Variants in GCC2 observed in about 807,000 individuals in gnomAD.
GCC2 encodes GRIP and coiled-coil domain-containing protein 2.
A neutral mutation model predicts 210.6 loss-of-function variants in GCC2; 120 were observed. The ratio of observed to expected loss-of-function variants is 0.57; its 90% CI spans 0.49 to 0.66. The LOEUF (loss-of-function observed/expected upper bound fraction) is 0.66, where lower values mean the gene tolerates loss of function less well. Among genes scored for constraint, GCC2 ranks in the 30% least tolerant of loss-of-function variants. The pLI is 0.00. For synonymous variants in GCC2, 703 were observed against 652.7 expected, an observed-to-expected ratio of 1.08 and a Z score of -1.17; for missense variants, 1,868 against 1,871.9, an observed-to-expected ratio of 1.00 and a Z score of 0.04.
intron 21 of GCC2, among the ~76,000 whole-genome samples, chr2:108,498,802 C>T (rs922200212): frequency 3.3e-5 from 5 of 151,690 alleles, no homozygotes; most frequent in African/African-American, 9.7e-5. Context: ...TCACTGTGGA[C>T]GTCTTAACTG....
chr2:108,494,132 G>C, intron 19 of GCC2: 1 of 396,890 alleles, frequency 2.5e-6, no homozygotes, highest in Non-Finnish European at 3.4e-6. Flanking sequence ...TCAGCACTTT[G>C]GGAGCCAAGG....
chr2:108,467,957 C>T (rs1680990462), intron 4 of GCC2, among the ~76,000 whole-genome samples: 2 of 151,822 alleles, frequency 1.3e-5, no homozygotes, highest in Non-Finnish European at 2.9e-5. Flanking sequence ...TATTATGCTT[C>T]TTAAATTTTT....
intron 18 of GCC2, among the ~76,000 whole-genome samples, chr2:108,491,226 A>G (rs1213083648): frequency 6.6e-6 from 1 of 152,226 alleles, no homozygotes; most frequent in Non-Finnish European, 1.5e-5. Flanking sequence ...AACTTCCATC[A>G]GCACAATCAT....
intron 19 of GCC2, chr2:108,493,842 A>G (rs1682520327): frequency 1.0e-6 from 1 of 985,344 alleles, no homozygotes; most frequent in Admixed American, 6.1e-5. Flanking sequence ...TAATCTAGCA[A>G]TCAGCAGTGG....
At chr2:108,455,362 C>T (rs1680200026) in intron 4 of GCC2, among the ~76,000 whole-genome samples, 1 of 152,012 alleles carries the variant, frequency 6.6e-6, no homozygotes, top group Non-Finnish European at 1.5e-5. Flanking sequence ...TCGCTTGAAC[C>T]GAGGAGGCAG....
chr2:108,469,643 T>G lies in GCC2; in HGVS notation c.322-8T>G. ...AAATAATTTATGTGTGCTTATTTTT[T>G]GTAATAGGATTCTGTAACAAAGATG... On this transcript the variant is annotated splice_region_variant and splice_polypyrimidine_tract_variant and intron_variant, in intron 5 of 22. Coordinates refer to ENST00000309863, the MANE Select transcript of GCC2 (RefSeq NM_181453.4). The G allele has an allele frequency of 6.4e-7, 1 of 1,558,698 alleles. No individual in the cohort carries two copies. Among genetic ancestry groups the G allele is most frequent in the Non-Finnish European group, 8.6e-7 (1 of 1,156,552 alleles).
chr2:108,478,958 C>T (rs547215644), intron 9 of GCC2, among the ~76,000 whole-genome samples: 5 of 152,116 alleles, frequency 3.3e-5, no homozygotes, highest in Non-Finnish European at 7.4e-5. Context: ...TTTGGGAGGC[C>T]GTGGCTTGAG....
rs771544904 is a variant in GCC2 at position 108,449,231 on chromosome 2, G to A, written c.-44G>A. On this transcript the variant is annotated 5_prime_UTR_variant, in exon 1 of 23. Coordinates refer to ENST00000309863, the MANE Select transcript of GCC2 (RefSeq NM_181453.4). The stretch of plus-strand genomic sequence containing the variant: ...AGAGGCTGGCGCAAACAGAAGTGCA[G>A]CGGTGGCGGCGGCTGGTTGCGGGCC... 7.1e-6 allele frequency: 11 copies of A among 1,543,898 alleles called. No homozygotes were observed. Among genetic ancestry groups the A allele is most frequent in the Admixed American group, 2.0e-5 (1 of 50,774 alleles).
At chr2:108,454,714 C>T (rs76460252) in intron 4 of GCC2, among the ~76,000 whole-genome samples, 5,065 of 152,198 alleles carry the variant, frequency 0.033, 297 homozygotes, top group African/African-American at 0.12. Context: ...TCAGTTTTGT[C>T]ATCTGTAGAA....
chr2:108,475,402 A>C, intron 7 of GCC2, 133 bp from the exon 8 acceptor site: 1 of 495,276 alleles, frequency 2.0e-6, no homozygotes, highest in Non-Finnish European at 3.6e-6. Context: ...AAATGATATT[A>C]CTGTTTTTAC....
At chr2:108,454,374 A>G (rs1184776914) in intron 4 of GCC2, among the ~76,000 whole-genome samples, 1 of 152,200 alleles carries the variant, frequency 6.6e-6, no homozygotes, top group East Asian at 1.9e-4. Flanking sequence ...GAGTTATTAC[A>G]AGGGGTCTTT....
At chr2:108,460,008 C>A (rs1680481707) in intron 4 of GCC2, among the ~76,000 whole-genome samples, 1 of 151,778 alleles carries the variant, frequency 6.6e-6, no homozygotes, top group African/African-American at 2.4e-5. Flanking sequence ...TGCTACCATG[C>A]CCAGCTAATT....
intron 7 of GCC2, 134 bp from the exon 8 acceptor site, chr2:108,475,401 T>G: frequency 4.0e-6 from 2 of 494,446 alleles, no homozygotes; most frequent in South Asian, 7.8e-5. Context: ...AAAATGATAT[T>G]ACTGTTTTTA....
chr2:108,489,530 G>A (rs901520973), intron 17 of GCC2, among the ~76,000 whole-genome samples: 1 of 151,558 alleles, frequency 6.6e-6, no homozygotes, highest in Admixed American at 6.6e-5. Flanking sequence ...AAAAAAAATA[G>A]TGTGAGGTTT....
intron 4 of GCC2, among the ~76,000 whole-genome samples, chr2:108,457,203 A>G (rs1361843297): frequency 1.3e-5 from 2 of 152,174 alleles, no homozygotes; most frequent in African/African-American, 4.8e-5. Flanking sequence ...ATTCTTCTGC[A>G]TATAGTTACC....
intron 22 of GCC2, among the ~76,000 whole-genome samples, chr2:108,502,022 A>G (rs192158564): frequency 3.9e-5 from 6 of 152,290 alleles, no homozygotes; most frequent in Admixed American, 2.0e-4. Flanking sequence ...TAGTTATTCA[A>G]ATTACAAATT....
chr2:108,449,392 C>G, intron 1 of GCC2, 112 bp downstream of exon 1: 1 of 1,466,560 alleles, frequency 6.8e-7, no homozygotes, highest in Non-Finnish European at 9.1e-7. Context: ...TGTCCCGAAG[C>G]CCGCGCTGCT....
intron 4 of GCC2, among the ~76,000 whole-genome samples, chr2:108,463,366 T>C (rs1336319715): frequency 6.6e-6 from 1 of 152,222 alleles, no homozygotes; most frequent in Non-Finnish European, 1.5e-5. Flanking sequence ...GGAAGAACTT[T>C]TTCCTGAAGA....
intron 1 of GCC2, 36 bp from the exon 2 acceptor site, chr2:108,449,597 G>C (rs772529861): frequency 6.3e-7 from 1 of 1,599,220 alleles, no homozygotes; most frequent in Non-Finnish European, 8.6e-7. Context: ...TAGGAAAAGA[G>C]TTCTTCTGAC....
Sources: gnomAD v4.1 joint callset for allele counts (sites outside exome capture counted in the v4.1 genomes callset) on GRCh38, gnomAD v4.1.1 for gene constraint, MANE v1.5 for transcripts, NCBI Gene and HGNC (gene_info 2026-07-23, HGNC 2026-07-21) for gene names.